Variants in MMP26 observed in about 807,000 individuals in gnomAD.
MMP26 encodes matrix metallopeptidase 26.
Under a neutral mutation model 31.0 loss-of-function variants are expected in MMP26, and 33 were observed. The observed-to-expected ratio is 1.06, with a 90% CI of 0.81 to 1.42. The LOEUF is 1.42. Ranked by LOEUF, MMP26 falls within the 40% of genes most tolerant of loss-of-function variation. MMP26 has a pLI of 0.00. For missense variants in MMP26, 347 were observed against 316.1 expected (o/e 1.10, Z -0.74); for synonymous variants, 122 against 114.9 (o/e 1.06, Z -0.40).
chr11:4,893,093 AT>A (rs1850651173), intron 2 of MMP26, among the ~76,000 whole-genome samples: 2 of 152,052 alleles, frequency 1.3e-5, no homozygotes, highest in South Asian at 4.1e-4. Context: ...TGTCAAAGTC[AT>A]GTTTAATGCC....
intron 1 of MMP26, among the ~76,000 whole-genome samples, chr11:4,757,804 A>G (rs970663333): frequency 4.0e-5 from 6 of 148,406 alleles, no homozygotes; most frequent in African/African-American, 1.5e-4. Context: ...AAAAAAAGAG[A>G]AAAAAAAAAG....
intron 1 of MMP26, among the ~76,000 whole-genome samples, chr11:4,729,842 A>G (rs1481360354): frequency 2.6e-5 from 4 of 151,918 alleles, no homozygotes; most frequent in South Asian, 2.1e-4. Context: ...AATTCTCCCA[A>G]TCTGATCAGG....
intron 1 of MMP26, among the ~76,000 whole-genome samples, chr11:4,762,604 G>A (rs1364147483): frequency 6.6e-6 from 1 of 152,140 alleles, no homozygotes; most frequent in Non-Finnish European, 1.5e-5. Context: ...TTATTCAACT[G>A]GCAGCTATCA....
chr11:4,889,645 T>C (rs1850589462), intron 2 of MMP26: 1 of 152,252 alleles, frequency 6.6e-6, no homozygotes, highest in African/African-American at 2.4e-5. Flanking sequence ...CTTCACACAA[T>C]ATACAATGGG....
At chr11:4,897,970 T>C (rs974507380) in intron 2 of MMP26, among the ~76,000 whole-genome samples, 3 of 148,590 alleles carry the variant, frequency 2.0e-5, no homozygotes, top group African/African-American at 4.9e-5. Flanking sequence ...ATATAAATAA[T>C]AAATTTAAAA....
intron 1 of MMP26, among the ~76,000 whole-genome samples, chr11:4,744,260 A>G (rs1848351175): frequency 6.6e-6 from 1 of 152,200 alleles, no homozygotes; most frequent in Non-Finnish European, 1.5e-5. Context: ...AAGGTTCAGC[A>G]CATTAGAAAG....
chr11:4,928,346 C>T (rs1851301782), intron 2 of MMP26, among the ~76,000 whole-genome samples: 1 of 152,046 alleles, frequency 6.6e-6, no homozygotes, highest in Admixed American at 6.6e-5. Context: ...TGTGTTTTCT[C>T]CACAATACAC....
At chr11:4,744,604 C>T (rs1319170419) in intron 1 of MMP26, among the ~76,000 whole-genome samples, 4 of 152,164 alleles carry the variant, frequency 2.6e-5, no homozygotes, top group African/African-American at 9.7e-5. Flanking sequence ...CTATGAGGAT[C>T]ATTTACCTCG....
intron 2 of MMP26, among the ~76,000 whole-genome samples, chr11:4,918,416 T>C (rs747745163): frequency 6.6e-6 from 1 of 152,120 alleles, no homozygotes; most frequent in Non-Finnish European, 1.5e-5. Flanking sequence ...TGCTTCAGAT[T>C]GTAAGGAGGT....
chr11:4,988,888 C>T (rs1297472665), intron 3 of MMP26, among the ~76,000 whole-genome samples: 1 of 152,214 alleles, frequency 6.6e-6, no homozygotes, highest in East Asian at 1.9e-4. Context: ...AAGTCATTTG[C>T]CTCTTAGTGC....
At chr11:4,808,765 T>G (rs919874204) in intron 2 of MMP26, among the ~76,000 whole-genome samples, 1 of 151,304 alleles carries the variant, frequency 6.6e-6, no homozygotes, top group African/African-American at 2.4e-5. Context: ...ATTTTCTTTT[T>G]TTTTTTTTGG....
At chr11:4,932,982 A>T (rs16907502) in intron 2 of MMP26, among the ~76,000 whole-genome samples, 2,940 of 152,268 alleles carry the variant, frequency 0.019, 105 homozygotes, top group African/African-American at 0.067. Context: ...TGTTGGACAC[A>T]GATAAAACAA....
At chr11:4,801,502 CTTTTTATT>C (rs1849180451) in intron 2 of MMP26, among the ~76,000 whole-genome samples, 2 of 137,962 alleles carry the variant, frequency 1.4e-5, no homozygotes, top group Non-Finnish European at 3.1e-5. Context: ...AGGTCCCGGA[CTTTTTATT>C]TATTTATTTA....
chr11:4,729,083 A>G (rs1171864081), intron 1 of MMP26, among the ~76,000 whole-genome samples: 1 of 151,704 alleles, frequency 6.6e-6, no homozygotes, highest in East Asian at 1.9e-4. Flanking sequence ...ATTTTTTGCC[A>G]TGACTAAAAA....
chr11:4,851,482 G>C (rs1028941781), intron 2 of MMP26, among the ~76,000 whole-genome samples: 1 of 152,140 alleles, frequency 6.6e-6, no homozygotes, highest in Non-Finnish European at 1.5e-5. Context: ...AAGAAATGAA[G>C]AGTACTGGAC....
intron 2 of MMP26, among the ~76,000 whole-genome samples, chr11:4,807,747 C>A (rs1849292699): frequency 6.6e-6 from 1 of 152,042 alleles, no homozygotes; most frequent in Non-Finnish European, 1.5e-5. Context: ...TGCACTTGTA[C>A]CCTAGAACTT....
intron 2 of MMP26, among the ~76,000 whole-genome samples, chr11:4,838,119 C>G (rs2133486153): frequency 6.6e-6 from 1 of 150,864 alleles, no homozygotes; most frequent in East Asian, 2.0e-4. Flanking sequence ...AGATCAAGAC[C>G]ATCCTGGCTA....
intron 2 of MMP26, among the ~76,000 whole-genome samples, chr11:4,934,498 G>A (rs1481865992): frequency 7.4e-6 from 1 of 135,008 alleles, no homozygotes; most frequent in East Asian, 2.1e-4. Flanking sequence ...TGAGTAGGTT[G>A]CAAAAATTTT....
chr11:4,851,746 T>G (rs1849978526), intron 2 of MMP26, among the ~76,000 whole-genome samples: 1 of 152,024 alleles, frequency 6.6e-6, no homozygotes, highest in Admixed American at 6.6e-5. Context: ...TTAATATTAT[T>G]CTGAAGTAAA....
Sources: allele counts gnomAD v4.1 joint callset (sites outside exome capture counted in the v4.1 genomes callset), GRCh38; gene constraint gnomAD v4.1.1; transcripts MANE v1.5; gene names NCBI Gene and HGNC (gene_info 2026-07-23, HGNC 2026-07-21).